CCDC112: variants seen among roughly 807,000 people sequenced by gnomAD.
The protein encoded by CCDC112 is coiled-coil domain-containing protein 112.
In CCDC112, 40 loss-of-function variants were observed where a neutral mutation model predicts 66.3. The ratio of observed to expected loss-of-function variants is 0.60; its 90% CI spans 0.47 to 0.79. The LOEUF (loss-of-function observed/expected upper bound fraction) is 0.79. CCDC112 is among the 30% of genes least tolerant of loss of function. The probability of loss-of-function intolerance (pLI) is 0.00; values close to 1 mark genes in which losing one functional copy is unlikely to be tolerated. For missense variants in CCDC112, 659 were observed against 603.8 expected (o/e 1.09, Z -0.96); for synonymous variants, 214 against 197.2 (o/e 1.09, Z -0.71).
At chr5:115,286,590 AT>A (rs911037197) in intron 1 of CCDC112, among the ~76,000 whole-genome samples, 1 of 151,074 alleles carries the variant, frequency 6.6e-6, no homozygotes, top group African/African-American at 2.4e-5. Context: ...TAAAGTAACT[AT>A]TTTTTTTTAC....
intron 1 of CCDC112, among the ~76,000 whole-genome samples, chr5:115,287,067 G>A (rs989155494): frequency 2.0e-5 from 3 of 151,988 alleles, no homozygotes; most frequent in Admixed American, 1.3e-4. Flanking sequence ...TAATGCCTTC[G>A]AAGCCCCAAA....
chr5:115,288,993 CTT>C (rs34023512), intron 1 of CCDC112: 4,279 of 245,378 alleles, frequency 0.017, no homozygotes, highest in South Asian at 0.033. Context: ...GATTGGCTTC[CTT>C]TTTTTTTTTT....
At position 115,294,135 on chromosome 5, in the gene CCDC112, C is replaced by T. The variant is rs76895197; in HGVS notation, c.117+2292G>A. Among the ~76,000 whole-genome samples the T allele has an allele frequency of 3.0e-3, 461 of 152,124 alleles. 2 individuals carry two copies. Among genetic ancestry groups the T allele is most frequent in the African/African-American group, 0.01 (433 of 41,472 alleles). On this transcript the variant is annotated intron_variant, in intron 1 of 9. Transcript: ENST00000379611. ...AATGAGTGAGGAATTTATGAGATTC[C>T]ACGCCCTGAGGATATTGTAAAATAA...
In CCDC112 at chr5:115,296,584, G is replaced by A. The variant is rs1750170983; in HGVS notation, c.-41C>T. Reference sequence around the variant, plus strand: ...TACTCGGGCCGCGGCGGCCACCGGTGCCTGGGGATTCGTGGCAGGCGCACC... The same window carrying A: ...TACTCGGGCCGCGGCGGCCACCGGTACCTGGGGATTCGTGGCAGGCGCACC... On this transcript the variant is annotated 5_prime_UTR_variant, in exon 1 of 10. Coordinates refer to ENST00000379611, the MANE Select transcript of CCDC112 (RefSeq NM_001040440.3). 1 of 1,428,480 alleles carries A rather than the reference G, an allele frequency of 7.0e-7. No homozygotes were observed. Among genetic ancestry groups the A allele is most frequent in the Middle Eastern group, 2.2e-4 (1 of 4,608 alleles). The allele number at this position is 1,428,480 out of a possible 1,614,324, so 88.5% of individuals were successfully genotyped here.
intron 2 of CCDC112, among the ~76,000 whole-genome samples, chr5:115,280,197 A>C (rs1011855767): frequency 4.6e-5 from 7 of 152,204 alleles, no homozygotes; most frequent in African/African-American, 1.7e-4. Context: ...CCTCATCACT[A>C]AAATGTGAAT....
chr5:115,272,737 A>G (rs1404706000), intron 6 of CCDC112, among the ~76,000 whole-genome samples: 1 of 152,162 alleles, frequency 6.6e-6, no homozygotes, highest in African/African-American at 2.4e-5. Context: ...TTTATGGTGT[A>G]TCATTCATTC....
At chr5:115,291,039 G>A (rs911561874) in intron 1 of CCDC112, among the ~76,000 whole-genome samples, 1 of 152,058 alleles carries the variant, frequency 6.6e-6, no homozygotes, top group African/African-American at 2.4e-5. Context: ...GGTAAGAGTG[G>A]ACAATTTTGC....
At chr5:115,295,854 A>G (rs1750130534) in intron 1 of CCDC112, 1 of 982,340 alleles carries the variant, frequency 1.0e-6, no homozygotes, top group Non-Finnish European at 1.2e-6. Context: ...AAGGCGATTC[A>G]TTTTAGGGAG....
At chr5:115,292,751 T>C (rs918556596) in intron 1 of CCDC112, among the ~76,000 whole-genome samples, 18 of 152,198 alleles carry the variant, frequency 1.2e-4, no homozygotes, top group African/African-American at 3.9e-4. Context: ...CAGCCAATAA[T>C]TGGTCAGAGA....
Position 115,276,153 on chromosome 5 carries a change from TCTC to T in CCDC112, c.452-87_452-85del, listed in dbSNP as rs377348353. On this transcript the variant is annotated intron_variant, in intron 4 of 9. Coordinates refer to ENST00000379611, the MANE Select transcript of CCDC112 (RefSeq NM_001040440.3). ...ATATTAGGAAGAAAAAGTGGAATGTTCTCCTAATTTTAAAATATTTCTTAGCCT... is the reference window on the plus strand; with the variant it reads ...ATATTAGGAAGAAAAAGTGGAATGTTCTAATTTTAAAATATTTCTTAGCCT... 1.5e-3 allele frequency: 1,419 copies of T among 936,980 alleles called. 28 individuals are homozygous for T. In the South Asian group the frequency reaches 0.021, roughly 14 times the overall value. 58.0% of individuals were successfully genotyped at this position (936,980 alleles called of 1,614,324 possible).
At chr5:115,284,059 G>A (rs1466632229) in intron 2 of CCDC112, among the ~76,000 whole-genome samples, 3 of 151,500 alleles carry the variant, frequency 2.0e-5, no homozygotes, top group Admixed American at 6.6e-5. Flanking sequence ...AAATGGATCT[G>A]AAAGGAGCAG....
At chr5:115,290,882 T>G (rs1749893621) in intron 1 of CCDC112, among the ~76,000 whole-genome samples, 1 of 152,022 alleles carries the variant, frequency 6.6e-6, no homozygotes, top group African/African-American at 2.4e-5. Flanking sequence ...AAGTTTTTTT[T>G]GTGTGTGTGT....
rs754659782 is a variant in CCDC112 at position 115,279,730 on chromosome 5, T to C, written c.278A>G (p.Tyr93Cys). 2 of 1,559,534 alleles carry C rather than the reference T, an allele frequency of 1.3e-6. No homozygotes were observed. The highest frequency in any genetic ancestry group is 1.7e-5 in the Admixed American group (1 of 59,798). Reference protein sequence around the residue: ...NMEKDKHSHFYNQKSDFRIEH... With the variant: ...NMEKDKHSHFCNQKSDFRIEH... ...AATTCTGAAGTCACTTTTTTGGTTG[T>C]AGAAATGACTGTGTTTATCTTTTTC... Residue 93 changes from tyrosine to cysteine, a missense_variant, in exon 3 of 10, where the codon TAC becomes TGC. Physicochemically the swap from Tyr to Cys is radical, Grantham distance 194. Transcript: ENST00000379611.
intron 6 of CCDC112, among the ~76,000 whole-genome samples, chr5:115,272,778 T>C (rs1749061073): frequency 6.6e-6 from 1 of 152,198 alleles, no homozygotes; most frequent in Admixed American, 6.5e-5. Context: ...TATGTATATA[T>C]ACTATAAACA....
At position 115,267,657 on chromosome 5, in the gene CCDC112, C is replaced by T. The variant is rs1205313396; in HGVS notation, c.*219G>A. The T allele has an allele frequency of 1.1e-5, 5 of 469,918 alleles. No homozygotes were observed. The highest frequency in any genetic ancestry group is 3.7e-5 in the East Asian group (1 of 27,134). The allele number at this position is 469,918 out of a possible 1,614,324, so 29.1% of individuals were successfully genotyped here. ...CATTAACTTATTTAAATAACTTTTA[C>T]ATCAATAATAGGCCAACACATATAT... On this transcript the variant is annotated 3_prime_UTR_variant, in exon 10 of 10. Transcript: ENST00000379611.
intron 3 of CCDC112, among the ~76,000 whole-genome samples, chr5:115,278,942 G>C (rs943319228): frequency 1.4e-4 from 22 of 152,008 alleles, no homozygotes; most frequent in African/African-American, 5.1e-4. Context: ...ATGCTAAGCA[G>C]CTTTTTTATT....
intron 2 of CCDC112, among the ~76,000 whole-genome samples, chr5:115,280,707 C>A (rs1034279075): frequency 6.6e-6 from 1 of 151,892 alleles, no homozygotes; most frequent in Non-Finnish European, 1.5e-5. Context: ...GGCACACAAC[C>A]ACCATGCCCA....
At chr5:115,293,287 T>C (rs1169224061) in intron 1 of CCDC112, among the ~76,000 whole-genome samples, 2 of 152,170 alleles carry the variant, frequency 1.3e-5, no homozygotes, top group Non-Finnish European at 2.9e-5. Context: ...TCAGTAATAA[T>C]GTATTGTGTA....
chr5:115,268,614 C>A (rs1748860496), intron 9 of CCDC112, among the ~76,000 whole-genome samples: 1 of 147,742 alleles, frequency 6.8e-6, no homozygotes, highest in Non-Finnish European at 1.5e-5. Context: ...TAAAAGTGAC[C>A]TGAAAGGCAA....
Sources: allele counts gnomAD v4.1 joint callset (sites outside exome capture counted in the v4.1 genomes callset), GRCh38; gene constraint gnomAD v4.1.1; transcripts MANE v1.5; gene names NCBI Gene and HGNC (gene_info 2026-07-23, HGNC 2026-07-21).